LNPK: variants seen among roughly 807,000 people sequenced by gnomAD.
The protein encoded by LNPK is lunapark, ER junction formation factor.
In LNPK, 29 loss-of-function variants were observed where a neutral mutation model predicts 55.2. The observed-to-expected ratio is 0.53, with a 90% CI of 0.39 to 0.72. LNPK has a LOEUF of 0.72. Among genes scored for constraint, LNPK ranks in the 30% least tolerant of loss-of-function variants. The pLI is 0.00. For synonymous variants in LNPK, 162 were observed against 168.2 expected (o/e 0.96, Z 0.29); for missense variants, 467 against 494.8 (o/e 0.94, Z 0.53).
At chr2:175,967,837 A>G in intron 6 of LNPK, 1 of 743,444 alleles carries the variant, frequency 1.3e-6, no homozygotes, top group Non-Finnish European at 1.6e-6. Context: ...GAAAAGCCAG[A>G]AAACATTACT....
At chr2:175,982,237 G>A (rs563278612) in intron 4 of LNPK, among the ~76,000 whole-genome samples, 34 of 152,156 alleles carry the variant, frequency 2.2e-4, no homozygotes, top group Admixed American at 1.6e-3. Flanking sequence ...GAAAGAAAAC[G>A]GGGAAAAAAA....
At chr2:175,938,277 T>C (rs374976647) in intron 11 of LNPK, 36 bp downstream of exon 11, 33 of 1,261,180 alleles carry the variant, frequency 2.6e-5, no homozygotes, top group Admixed American at 3.7e-5. Flanking sequence ...TATTTAAGCA[T>C]AAAATATTTA....
chr2:175,946,808 C>G (rs2105561788), intron 9 of LNPK, among the ~76,000 whole-genome samples: 1 of 152,148 alleles, frequency 6.6e-6, no homozygotes, highest in South Asian at 2.1e-4. Flanking sequence ...ACAATGTGAT[C>G]TGTGCTAAAG....
At chr2:175,941,870 G>A (rs1186050399) in intron 9 of LNPK, among the ~76,000 whole-genome samples, 5 of 140,978 alleles carry the variant, frequency 3.5e-5, no homozygotes, top group African/African-American at 1.3e-4. Context: ...AATACATTAT[G>A]TACAGAGAAA....
chr2:175,936,712 A>C (rs1178335673), intron 12 of LNPK, among the ~76,000 whole-genome samples: 1 of 152,182 alleles, frequency 6.6e-6, no homozygotes, highest in Non-Finnish European at 1.5e-5. Flanking sequence ...AGAATTCCTA[A>C]AACAGAATTG....
In LNPK at chr2:175,938,395, G is replaced by C. The variant is rs369637754; in HGVS notation, c.813-12C>G. ...ATATAAGTGCATACCTACACCGTAAGGAAAAATGAACAGACCAGTTACAAA... is the reference window on the plus strand; with the variant it reads ...ATATAAGTGCATACCTACACCGTAACGAAAAATGAACAGACCAGTTACAAA... On this transcript the variant is annotated splice_polypyrimidine_tract_variant and intron_variant, in intron 10 of 12. Transcript: ENST00000272748. The C allele has an allele frequency of 1.4e-5, 21 of 1,531,882 alleles. No individual in the cohort carries two copies. Among genetic ancestry groups the C allele is most frequent in the Non-Finnish European group, 1.8e-5 (20 of 1,120,180 alleles). The allele number at this position is 1,531,882 out of a possible 1,614,324, so 94.9% of individuals were successfully genotyped here.
intron 4 of LNPK, among the ~76,000 whole-genome samples, chr2:175,989,231 C>T (rs199595864): frequency 1.6e-4 from 24 of 152,232 alleles, no homozygotes; most frequent in East Asian, 1.4e-3. Flanking sequence ...TGTATAAGAA[C>T]AAATCCCTAT....
chr2:175,994,518 T>C (rs1183960556), intron 2 of LNPK, among the ~76,000 whole-genome samples: 4 of 152,206 alleles, frequency 2.6e-5, no homozygotes, highest in South Asian at 2.1e-4. Context: ...AGAGCATTTA[T>C]ATAATTTTTT....
At chr2:175,957,266 G>A (rs1199845308) in intron 8 of LNPK, among the ~76,000 whole-genome samples, 2 of 151,888 alleles carry the variant, frequency 1.3e-5, no homozygotes, top group East Asian at 1.9e-4. Context: ...GCTGAGGCAG[G>A]AGAATCACTT....
chr2:175,999,003 G>T (rs1196087010), intron 1 of LNPK, among the ~76,000 whole-genome samples: 1 of 152,142 alleles, frequency 6.6e-6, no homozygotes, highest in East Asian at 1.9e-4. Flanking sequence ...AAGGGATTAT[G>T]CTTTTAAATT....
Position 175,964,410 on chromosome 2 carries a change from G to T in LNPK, c.455C>A (p.Pro152Gln), listed in dbSNP as rs1047317430. The change falls in exon 8 of 13, where the codon CCA becomes CAA. Residue 152 changes from proline to glutamine, a missense_variant. Physicochemically the swap from Pro to Gln is moderately conservative, Grantham distance 76. Coordinates refer to ENST00000272748, the MANE Select transcript of LNPK (RefSeq NM_030650.3). ...DSKKAKECEP[P>Q]SAGAAVTARP... ...TGCAGTTACAGCTGCTCCAGCAGAT[G>T]GCGGCTCACACTCCTGTCAATTATA... 4 of 1,613,238 alleles carry T rather than the reference G, an allele frequency of 2.5e-6. No individual in the cohort carries two copies. Among genetic ancestry groups the T allele is most frequent in the Non-Finnish European group, 2.5e-6 (3 of 1,179,368 alleles).
At chr2:175,972,164 C>T (rs1686692963) in intron 5 of LNPK, among the ~76,000 whole-genome samples, 1 of 152,120 alleles carries the variant, frequency 6.6e-6, no homozygotes, top group Non-Finnish European at 1.5e-5. Flanking sequence ...TATCCACCTG[C>T]CTTGGCCTCC....
intron 8 of LNPK, among the ~76,000 whole-genome samples, chr2:175,963,269 G>A (rs561104370): frequency 2.4e-3 from 363 of 152,174 alleles, no homozygotes; most frequent in African/African-American, 5.8e-3. Flanking sequence ...TGTTTATTGC[G>A]GCATTATTCA....
chr2:175,947,791 G>A (rs79442856), intron 8 of LNPK, 99 bp from the exon 9 acceptor site: 7,930 of 682,000 alleles, frequency 0.012, 52 homozygotes, highest in Non-Finnish European at 0.015. Context: ...GCCCCAAAAG[G>A]CATTGTAGTG....
intron 9 of LNPK, among the ~76,000 whole-genome samples, chr2:175,946,688 A>G (rs942452983): frequency 6.6e-6 from 1 of 152,162 alleles, no homozygotes; most frequent in Non-Finnish European, 1.5e-5. Context: ...TATTAATTAT[A>G]TATTAGTAAT....
intron 5 of LNPK, among the ~76,000 whole-genome samples, chr2:175,975,503 A>G (rs1269299179): frequency 2.0e-5 from 3 of 152,278 alleles, no homozygotes; most frequent in East Asian, 1.9e-4. Flanking sequence ...TATGGGGTGC[A>G]TGAGATGTTT....
chr2:175,927,809 T>A lies in LNPK; in HGVS notation c.*2158A>T, dbSNP rs914513494. The A allele has an allele frequency of 9.6e-6, 1 of 103,898 alleles. No homozygotes were observed. Among genetic ancestry groups the A allele is most frequent in the African/African-American group, 3.7e-5 (1 of 27,052 alleles). 6.4% of individuals were successfully genotyped at this position (103,898 alleles called of 1,614,324 possible). On this transcript the variant is annotated 3_prime_UTR_variant, in exon 13 of 13. Coordinates refer to ENST00000272748, the MANE Select transcript of LNPK (RefSeq NM_030650.3). ...TAATAATAATGAAAATAAGCTTTTG[T>A]ATCTAAAAGGATACTATATGGTTAC...
chr2:175,943,991 C>G (rs1188156945), intron 9 of LNPK, among the ~76,000 whole-genome samples: 1 of 151,992 alleles, frequency 6.6e-6, no homozygotes, highest in Non-Finnish European at 1.5e-5. Context: ...GTAGAATTTT[C>G]TTTATTCAGA....
rs1684029591 is a variant in LNPK at position 175,926,845 on chromosome 2, A to C, written c.*3122T>G. On this transcript the variant is annotated 3_prime_UTR_variant, in exon 13 of 13. Coordinates refer to ENST00000272748, the MANE Select transcript of LNPK (RefSeq NM_030650.3). ...AGTAACTCTATTTGATTAGATGAGA[A>C]ACATAAACGGTTTGAATGTTCTGAA... 6.6e-6 allele frequency: 1 copy of C among 152,212 alleles called. No individual in the cohort carries two copies. Among genetic ancestry groups the C allele is most frequent in the Non-Finnish European group, 1.5e-5 (1 of 68,042 alleles). 9.4% of individuals were successfully genotyped at this position (152,212 alleles called of 1,614,324 possible).
Sources: allele counts gnomAD v4.1 joint callset (sites outside exome capture counted in the v4.1 genomes callset), GRCh38; gene constraint gnomAD v4.1.1; transcripts MANE v1.5; gene names NCBI Gene and HGNC (gene_info 2026-07-23, HGNC 2026-07-21).